Variants in ROBO2 observed in about 807,000 individuals in gnomAD.
ROBO2 encodes roundabout homolog 2.
In ROBO2, 53 loss-of-function variants were observed where a neutral mutation model predicts 160.8. That is an observed-to-expected ratio of 0.33 (90% CI 0.26 to 0.41). The LOEUF (loss-of-function observed/expected upper bound fraction) is 0.41, where lower values mean the gene tolerates loss of function less well. ROBO2 is among the 10% of genes least tolerant of loss of function. The probability of loss-of-function intolerance (pLI) is 1.00; values close to 1 mark genes in which losing one functional copy is unlikely to be tolerated. For missense variants in ROBO2, 1,577 were observed against 1,722.4 expected, an observed-to-expected ratio of 0.92 and a Z score of 1.49; for synonymous variants, 664 against 611.7, an observed-to-expected ratio of 1.09 and a Z score of -1.26.
At chr3:77,616,432 T>C (rs11706959) in intron 21 of ROBO2, among the ~76,000 whole-genome samples, 15,557 of 151,970 alleles carry the variant, frequency 0.1, 1,074 homozygotes, top group Admixed American at 0.16. Context: ...GTGATGTGAA[T>C]GAAGATTTTA....
chr3:77,132,027 A>C (rs1051491663), intron 2 of ROBO2, among the ~76,000 whole-genome samples: 13 of 152,124 alleles, frequency 8.5e-5, no homozygotes, highest in African/African-American at 2.7e-4. Context: ...GTCATTTAAA[A>C]TATGTTTAAA....
intron 2 of ROBO2, among the ~76,000 whole-genome samples, chr3:76,072,926 A>C (rs186202711): frequency 6.6e-6 from 1 of 152,230 alleles, no homozygotes; most frequent in Non-Finnish European, 1.5e-5. Context: ...GAAATCAATA[A>C]TAGAAAGTAC....
At chr3:76,894,942 G>T (rs563134835) in intron 2 of ROBO2, among the ~76,000 whole-genome samples, 1 of 151,890 alleles carries the variant, frequency 6.6e-6, no homozygotes, top group Non-Finnish European at 1.5e-5. Context: ...ACACAGTTTG[G>T]TTTTTTTCCT....
intron 2 of ROBO2, among the ~76,000 whole-genome samples, chr3:75,959,267 C>T (rs1334068586): frequency 6.6e-6 from 1 of 151,324 alleles, no homozygotes; most frequent in African/African-American, 2.4e-5. Context: ...TCTAGTATTC[C>T]CATACGTGTT....
intron 2 of ROBO2, among the ~76,000 whole-genome samples, chr3:75,945,383 T>G (rs1201039998): frequency 1.3e-5 from 2 of 152,064 alleles, no homozygotes; most frequent in Non-Finnish European, 2.9e-5. Flanking sequence ...GCACACAGTT[T>G]GGAGTAGTAG....
At chr3:76,518,006 A>G (rs1260889922) in intron 2 of ROBO2, among the ~76,000 whole-genome samples, 1 of 152,160 alleles carries the variant, frequency 6.6e-6, no homozygotes, top group Non-Finnish European at 1.5e-5. Flanking sequence ...TTTATCATGC[A>G]TCAGGGGGTT....
chr3:77,217,633 A>G (rs1326407654), intron 2 of ROBO2, among the ~76,000 whole-genome samples: 1 of 152,234 alleles, frequency 6.6e-6, no homozygotes, highest in African/African-American at 2.4e-5. Context: ...AGAGCTCAAA[A>G]TGAAATGCTT....
intron 2 of ROBO2, among the ~76,000 whole-genome samples, chr3:76,058,347 T>C (rs55640002): frequency 0.02 from 3,112 of 152,092 alleles, 43 homozygotes; most frequent in East Asian, 0.081. Flanking sequence ...AGTGAGAACA[T>C]GCGGTGTTTG....
At chr3:77,415,220 A>G (rs2077117816) in intron 2 of ROBO2, among the ~76,000 whole-genome samples, 2 of 152,214 alleles carry the variant, frequency 1.3e-5, no homozygotes, top group South Asian at 4.1e-4. Flanking sequence ...AGGTGTAGAG[A>G]AGCAATGTTA....
rs533784439 is a variant in ROBO2 at position 77,196,612 on chromosome 3, G to A, written c.388+98272G>A. On this transcript the variant is annotated intron_variant, in intron 2 of 25. Transcript: ENST00000461745. ...TCAGAATATACTTAAATACATTGTG[G>A]CAGTTCAAGGGCATATGTACATGTT... Among the ~76,000 whole-genome samples, 4 of 151,746 alleles carry A rather than the reference G, an allele frequency of 2.6e-5. No individual in the cohort carries two copies. The South Asian group carries it at 6.2e-4, about 24-fold the overall frequency.
At chr3:77,431,332 AC>A (rs2078751373) in intron 2 of ROBO2, among the ~76,000 whole-genome samples, 2 of 152,226 alleles carry the variant, frequency 1.3e-5, no homozygotes, top group African/African-American at 4.8e-5. Context: ...ATGATCATCC[AC>A]AATGGAGAAA....
At chr3:75,912,127 A>G (rs1946623087) in intron 1 of ROBO2, among the ~76,000 whole-genome samples, 3 of 152,192 alleles carry the variant, frequency 2.0e-5, no homozygotes, top group African/African-American at 2.4e-5. Context: ...TCATTAAAGT[A>G]TAGAAAACTA....
intron 2 of ROBO2, among the ~76,000 whole-genome samples, chr3:77,156,362 ATAAT>A (rs1437166758): frequency 6.6e-6 from 1 of 152,048 alleles, no homozygotes; most frequent in Non-Finnish European, 1.5e-5. Flanking sequence ...TGTATTTTTC[ATAAT>A]TAAATTGATG....
In ROBO2 at chr3:77,596,613, T is replaced by G; in HGVS notation, c.2727-10T>G. 4 of 1,613,848 alleles carry G rather than the reference T, an allele frequency of 2.5e-6. No homozygotes were observed. The highest frequency in any genetic ancestry group is 3.4e-6 in the Non-Finnish European group (4 of 1,179,786). On this transcript the variant is annotated splice_polypyrimidine_tract_variant and intron_variant, in intron 18 of 25. Transcript: ENST00000461745. ...TCCATGTGTTGATTTCCTTGTAATT[T>G]CTGTTTTAGCCGTCCAGGTCTTCTC...
chr3:76,859,121 T>G (rs1441924219), intron 2 of ROBO2, among the ~76,000 whole-genome samples: 1 of 152,196 alleles, frequency 6.6e-6, no homozygotes, highest in Non-Finnish European at 1.5e-5. Flanking sequence ...ACATGAGAGT[T>G]GATTTCTTGA....
intron 2 of ROBO2, among the ~76,000 whole-genome samples, chr3:76,840,082 G>A (rs1182816410): frequency 2.0e-5 from 3 of 151,096 alleles, no homozygotes; most frequent in African/African-American, 7.3e-5. Flanking sequence ...TCTGCCTAAA[G>A]GTTTGTCAAT....
Position 76,766,457 on chromosome 3 carries a change from A to G in ROBO2, c.110-331557A>G, listed in dbSNP as rs79416273. ...TGTAAAGTGTAAATAAGAAAATGGC[A>G]GAAAGGAAAGTTAAGCAATGACTTG... is the stretch of plus-strand genomic sequence containing the variant. On this transcript the variant is annotated intron_variant, in intron 2 of 26. Coordinates refer to the ROBO2 transcript ENST00000487694. 1.2e-3 allele frequency among the ~76,000 whole-genome samples: 188 copies of G among 151,844 alleles called. 2 individuals are homozygous for G. Among genetic ancestry groups the G allele is most frequent in the African/African-American group, 4.2e-3 (175 of 41,526 alleles).
intron 2 of ROBO2, among the ~76,000 whole-genome samples, chr3:76,014,652 G>A (rs2066351086): frequency 6.6e-6 from 1 of 152,216 alleles, no homozygotes; most frequent in African/African-American, 2.4e-5. Context: ...TGGCGACTGG[G>A]CACGGTGGCT....
At chr3:77,352,901 T>C (rs759175051) in intron 2 of ROBO2, among the ~76,000 whole-genome samples, 1 of 152,184 alleles carries the variant, frequency 6.6e-6, no homozygotes, top group Non-Finnish European at 1.5e-5. Context: ...TTTAAACAGC[T>C]CATTTCACAT....
Sources: gnomAD v4.1 joint callset for allele counts (sites outside exome capture counted in the v4.1 genomes callset) on GRCh38, gnomAD v4.1.1 for gene constraint, MANE v1.5 for transcripts, NCBI Gene and HGNC (gene_info 2026-07-23, HGNC 2026-07-21) for gene names.